COL6A6: variants seen among roughly 807,000 people sequenced by gnomAD.
COL6A6 encodes the protein collagen alpha-6(VI) chain.
In COL6A6, 183 loss-of-function variants were observed where a neutral mutation model predicts 208.6. The observed-to-expected ratio is 0.88, with a 90% CI of 0.78 to 0.99. The LOEUF (loss-of-function observed/expected upper bound fraction) is 0.99, where lower values mean the gene tolerates loss of function less well. COL6A6 is among the 50% of genes least tolerant of loss of function. COL6A6 has a pLI of 0.00. For synonymous variants in COL6A6, 973 were observed against 1,011.8 expected, an observed-to-expected ratio of 0.96 and a Z score of 0.73; for missense variants, 2,816 against 2,815.2, an observed-to-expected ratio of 1.00 and a Z score of -0.01.
chr3:130,572,267 G>A (rs1209923057), intron 7 of COL6A6, among the ~76,000 whole-genome samples: 1 of 152,162 alleles, frequency 6.6e-6, no homozygotes, highest in African/African-American at 2.4e-5. Context: ...TCTGGCAGCT[G>A]GAGATTGCAT....
chr3:130,653,236 T>C (rs1235579784), intron 33 of COL6A6, among the ~76,000 whole-genome samples: 3 of 152,226 alleles, frequency 2.0e-5, no homozygotes, highest in Non-Finnish European at 2.9e-5. Flanking sequence ...ATAAGAAATA[T>C]GTCTTTTAGC....
intron 1 of COL6A6, among the ~76,000 whole-genome samples, chr3:130,521,153 G>GTATCC (rs1711048379): frequency 6.6e-6 from 1 of 152,162 alleles, no homozygotes; most frequent in Non-Finnish European, 1.5e-5. Flanking sequence ...TCTAAGTACT[G>GTATCC]TATCCTACAC....
chr3:130,565,097 T>G lies in COL6A6; in HGVS notation c.765T>G (p.Ser255Arg). ...ATCTTAAAGGATTCTTGGAAGAAAGTGTATCTGCCCTTGACATAAAGGAAA... is the reference window on the plus strand; with the variant it reads ...ATCTTAAAGGATTCTTGGAAGAAAGGGTATCTGCCCTTGACATAAAGGAAA... ...FDYLKGFLEE[S>R]VSALDIKENC... The change falls in exon 4 of 37, where the codon AGT (serine) becomes AGG (arginine). Residue 255 changes from serine to arginine, a missense_variant. Physicochemically the swap from Ser to Arg is moderately radical, Grantham distance 110. Transcript: ENST00000358511. 6.2e-7 allele frequency: 1 copy of G among 1,613,978 alleles called. No individual in the cohort carries two copies. Among genetic ancestry groups the G allele is most frequent in the African/African-American group, 1.3e-5 (1 of 75,044 alleles).
intron 13 of COL6A6, among the ~76,000 whole-genome samples, chr3:130,591,927 A>G (rs1207440828): frequency 2.0e-5 from 3 of 152,206 alleles, no homozygotes; most frequent in African/African-American, 7.2e-5. Flanking sequence ...GGGGAAAAGT[A>G]TGTTCAAGGG....
intron 26 of COL6A6, among the ~76,000 whole-genome samples, chr3:130,628,544 T>C (rs981060818): frequency 1.3e-5 from 2 of 152,236 alleles, no homozygotes; most frequent in Non-Finnish European, 2.9e-5. Flanking sequence ...GAGGATTTAT[T>C]ATAATCAGGA....
chr3:130,554,228 A>G (rs4682617), intron 1 of COL6A6, among the ~76,000 whole-genome samples: 100,728 of 152,164 alleles, frequency 0.66, 38,321 homozygotes, highest in Non-Finnish European at 0.85. Flanking sequence ...CTTGGCTGGT[A>G]TAGGGGTGCC....
chr3:130,534,133 C>T (rs2107718011), intron 1 of COL6A6, among the ~76,000 whole-genome samples: 1 of 152,222 alleles, frequency 6.6e-6, no homozygotes, highest in African/African-American at 2.4e-5. Context: ...ATTATATTCC[C>T]ACCAGCCATG....
At chr3:130,562,145 G>A (rs1283403676) in intron 2 of COL6A6, among the ~76,000 whole-genome samples, 1 of 152,272 alleles carries the variant, frequency 6.6e-6, no homozygotes, top group Admixed American at 6.5e-5. Flanking sequence ...TGCTAAGGTA[G>A]AGAGAGCTCT....
Position 130,675,578 on chromosome 3 carries a change from C to T in COL6A6, c.*181C>T. 1 of 477,570 alleles carries T rather than the reference C, an allele frequency of 2.1e-6. No homozygotes were observed. The highest frequency in any genetic ancestry group is 3.7e-6 in the Non-Finnish European group (1 of 269,962). 29.6% of individuals were successfully genotyped at this position (477,570 alleles called of 1,614,324 possible). A position where few individuals can be genotyped will look rare whatever the true frequency, so the allele number is the denominator to read the frequency against. ...ATTTGACCACTCCTGACAATTCCAG[C>T]ACTCTACGACTGATATGTCGAAGAA... On this transcript the variant is annotated 3_prime_UTR_variant, in exon 37 of 37. Coordinates refer to ENST00000358511, the MANE Select transcript of COL6A6 (RefSeq NM_001102608.3).
intron 22 of COL6A6, among the ~76,000 whole-genome samples, chr3:130,609,425 C>T (rs1033427768): frequency 1.3e-5 from 2 of 152,158 alleles, no homozygotes; most frequent in Non-Finnish European, 2.9e-5. Flanking sequence ...CTCAGCCTGC[C>T]CTTGCCAGCT....
chr3:130,526,087 A>G (rs1211488950), intron 1 of COL6A6, among the ~76,000 whole-genome samples: 2 of 152,168 alleles, frequency 1.3e-5, no homozygotes, highest in Non-Finnish European at 2.9e-5. Flanking sequence ...AGAAGTCAAT[A>G]AATGACTTAT....
chr3:130,519,387 T>A (rs949716208), intron 1 of COL6A6, among the ~76,000 whole-genome samples: 4 of 152,194 alleles, frequency 2.6e-5, no homozygotes, highest in Admixed American at 6.5e-5. Context: ...ATAAAAGTGA[T>A]CCAGACTAAT....
intron 8 of COL6A6, among the ~76,000 whole-genome samples, chr3:130,578,131 A>G (rs751198466): frequency 6.6e-6 from 1 of 152,076 alleles, no homozygotes; most frequent in Non-Finnish European, 1.5e-5. Flanking sequence ...TTTTTTTAGC[A>G]TGGAGCCATG....
chr3:130,642,941 T>C, intron 30 of COL6A6, 46 bp from the exon 31 acceptor site: 1 of 1,613,144 alleles, frequency 6.2e-7, no homozygotes, highest in Non-Finnish European at 8.5e-7. Context: ...CCTCAGGGCC[T>C]AGCAGTTTGT....
intron 36 of COL6A6, 143 bp from the exon 37 acceptor site, chr3:130,675,059 C>A (rs2066324938): frequency 7.5e-6 from 4 of 533,986 alleles, no homozygotes; most frequent in Middle Eastern, 5.2e-4. Flanking sequence ...GTTTAAGTAC[C>A]CAGTTTAATT....
chr3:130,563,099 G>A lies in COL6A6; in HGVS notation c.96G>A (p.Val32=). ...GPEYADVVFL[V]DSSDRLGSKS... ...AGTATGCAGATGTTGTGTTTTTGGT[G>A]GACAGCTCTGATCGCCTGGGATCCA... Residue 32 remains valine, a synonymous_variant, in exon 3 of 37, where the codon GTG becomes GTA. Coordinates refer to ENST00000358511, the MANE Select transcript of COL6A6 (RefSeq NM_001102608.3). 1 of 1,613,392 alleles carries A rather than the reference G, an allele frequency of 6.2e-7. No individual in the cohort carries two copies. Among genetic ancestry groups the A allele is most frequent in the South Asian group, 1.1e-5 (1 of 90,978 alleles).
At chr3:130,547,849 G>A (rs2062553004) in intron 1 of COL6A6, among the ~76,000 whole-genome samples, 1 of 152,172 alleles carries the variant, frequency 6.6e-6, no homozygotes, top group South Asian at 2.1e-4. Context: ...CCAGGCTGGA[G>A]GGCAGCGGTG....
At chr3:130,554,099 G>T (rs968816613) in intron 1 of COL6A6, among the ~76,000 whole-genome samples, 4 of 152,202 alleles carry the variant, frequency 2.6e-5, no homozygotes, top group African/African-American at 9.7e-5. Flanking sequence ...TCCCTGGACT[G>T]CTGGACACAA....
chr3:130,529,805 A>T (rs2062041701), intron 1 of COL6A6, among the ~76,000 whole-genome samples: 1 of 152,160 alleles, frequency 6.6e-6, no homozygotes, highest in Admixed American at 6.5e-5. Flanking sequence ...GGAAAAGTTC[A>T]TGAGGGAAAG....
Sources: allele counts gnomAD v4.1 joint callset (sites outside exome capture counted in the v4.1 genomes callset), GRCh38; gene constraint gnomAD v4.1.1; transcripts MANE v1.5; gene names NCBI Gene and HGNC (gene_info 2026-07-23, HGNC 2026-07-21).